Variants in NUP98 observed in about 807,000 individuals in gnomAD.
NUP98 encodes the protein nucleoporin 98 and 96 precursor.
In NUP98, 26 loss-of-function variants were observed where a neutral mutation model predicts 191.9. That is an observed-to-expected ratio of 0.14 (90% CI 0.10 to 0.19). The LOEUF (loss-of-function observed/expected upper bound fraction) is 0.19. NUP98 is among the 10% of genes least tolerant of loss of function. The pLI is 1.00. For missense variants in NUP98, 1,941 were observed against 2,178.8 expected, an observed-to-expected ratio of 0.89 and a Z score of 2.17; for synonymous variants, 808 against 778.4, an observed-to-expected ratio of 1.04 and a Z score of -0.63.
chr11:3,788,045 ACTAGTGTCT>A (rs1219418914), intron 1 of NUP98, among the ~76,000 whole-genome samples: 1 of 152,056 alleles, frequency 6.6e-6, no homozygotes, highest in Non-Finnish European at 1.5e-5. Context: ...GATTACGTAA[ACTAGTGTCT>A]CTCAGCTGCT....
intron 29 of NUP98, 79 bp from the exon 30 acceptor site, chr11:3,683,520 TGGG>T: frequency 3.4e-6 from 5 of 1,491,708 alleles, no homozygotes; most frequent in Non-Finnish European, 2.7e-6. Flanking sequence ...GAGTGGCCCT[TGGG>T]GCAGTCTCTT....
Position 3,779,268 on chromosome 11 carries a change from A to C in NUP98, c.77-11T>G, listed in dbSNP as rs1389514165. ...TGCCAAAGCCAGTATCTGAAAAAGC[A>C]AAATCCAGAGTAAATTAGAATTTAG... is the stretch of plus-strand genomic sequence containing the variant. On this transcript the variant is annotated splice_polypyrimidine_tract_variant and intron_variant, in intron 2 of 32. Coordinates refer to ENST00000324932, the MANE Select transcript of NUP98 (RefSeq NM_016320.5). 1 of 1,585,042 alleles carries C rather than the reference A, an allele frequency of 6.3e-7. No homozygotes were observed. The highest frequency in any genetic ancestry group is 1.7e-5 in the Admixed American group (1 of 59,910).
intron 20 of NUP98, chr11:3,711,855 A>T: frequency 9.7e-7 from 1 of 1,033,452 alleles, no homozygotes; most frequent in Non-Finnish European, 1.2e-6. Flanking sequence ...GAGATTATTT[A>T]ATAAATCATA....
At chr11:3,763,489 A>T (rs1231892633) in intron 8 of NUP98, among the ~76,000 whole-genome samples, 2 of 152,230 alleles carry the variant, frequency 1.3e-5, no homozygotes, top group African/African-American at 4.8e-5. Context: ...TGAACTTAGA[A>T]TCAAGTAACC....
intron 1 of NUP98, among the ~76,000 whole-genome samples, chr11:3,792,772 G>C (rs1375449367): frequency 6.6e-6 from 1 of 152,132 alleles, no homozygotes; most frequent in Non-Finnish European, 1.5e-5. Flanking sequence ...TAATACAACA[G>C]AATACAAAAG....
chr11:3,709,094 A>C (rs192451231), intron 20 of NUP98, among the ~76,000 whole-genome samples: 4 of 152,354 alleles, frequency 2.6e-5, no homozygotes, highest in Admixed American at 2.6e-4. Context: ...AGGAAAAGTA[A>C]GATATATCAA....
At chr11:3,743,610 G>T (rs1554895870) in intron 12 of NUP98, among the ~76,000 whole-genome samples, 1 of 137,130 alleles carries the variant, frequency 7.3e-6, no homozygotes, top group Admixed American at 7.9e-5. Context: ...TCGCACCACT[G>T]TACTCCAGCC....
Position 3,693,256 on chromosome 11 carries a change from G to A in NUP98, c.4287C>T (p.Leu1429=). Residue 1429 remains leucine, a synonymous_variant, in exon 27 of 33, where the codon CTC becomes CTT. Coordinates refer to ENST00000324932, the MANE Select transcript of NUP98 (RefSeq NM_016320.5). The part of the protein sequence containing the change: ...LPPTASISRA[L]SMYEEAFQNT... ...CCTGAAATGCTTCTTCATACATGCT[G>A]AGCGCCCTAGAAATGGAGGCTGTTG... 2 of 1,614,126 alleles carry A rather than the reference G, an allele frequency of 1.2e-6. No homozygotes were observed. The highest frequency in any genetic ancestry group is 1.7e-6 in the Non-Finnish European group (2 of 1,180,000).
rs149128251 is a variant in NUP98 at position 3,748,284 on chromosome 11, G to A, written c.1268-3635C>T. Reference sequence around the variant, plus strand: ...CTGATCACATAAAAATAAAACTTGTGGCTGGGCGCAGTGGCTCATGCCTGT... The same window carrying A: ...CTGATCACATAAAAATAAAACTTGTAGCTGGGCGCAGTGGCTCATGCCTGT... On this transcript the variant is annotated intron_variant, in intron 11 of 32. Transcript: ENST00000324932. Among the ~76,000 whole-genome samples the A allele has an allele frequency of 1.5e-3, 230 of 152,288 alleles. 1 individual carries two copies. Among genetic ancestry groups the A allele is most frequent in the Non-Finnish European group, 2.7e-3 (184 of 68,024 alleles).
intron 10 of NUP98, among the ~76,000 whole-genome samples, chr11:3,754,607 G>C (rs2080891680): frequency 1.3e-5 from 2 of 151,908 alleles, no homozygotes; most frequent in African/African-American, 4.8e-5. Flanking sequence ...TCTTCACTAT[G>C]ACCCACCATT....
Position 3,725,212 on chromosome 11 carries a change from T to C in NUP98, c.1738A>G (p.Ile580Val), listed in dbSNP as rs776631436. The C allele has an allele frequency of 7.0e-5, 103 of 1,466,612 alleles. 1 individual carries two copies. In the Middle Eastern group the frequency reaches 1.7e-3, roughly 25 times the overall value. 90.8% of individuals were successfully genotyped at this position (1,466,612 alleles called of 1,614,324 possible). A position where few individuals can be genotyped will look rare whatever the true frequency, so the allele number is the denominator to read the frequency against. ...AGGTTCTTCAAAACCAACTTCTTAA[T>C]GCTCTTCCTATAAACAAGAAACCAA... ...ANGAFMPKKS[I>V]KKLVLKNLNN... Residue 580 changes from isoleucine to valine, a missense_variant, in exon 15 of 33, where the codon ATT becomes GTT. Ile to Val is a conservative substitution (Grantham distance 29). Coordinates refer to ENST00000324932, the MANE Select transcript of NUP98 (RefSeq NM_016320.5).
rs755639387 is a variant in NUP98, at chr11:3,753,386, C to T, written c.1197G>A (p.Gly399=). 17 of 1,613,558 alleles carry T rather than the reference C, an allele frequency of 1.1e-5. No homozygotes were observed. The highest frequency in any genetic ancestry group is 1.4e-5 in the Non-Finnish European group (17 of 1,179,722). The change falls in exon 11 of 33, where the codon GGG becomes GGA. Residue 399 remains glycine, a synonymous_variant. Transcript: ENST00000324932. ...CTGGTTTACTTCCAAAAATACTATT[C>T]CCACTGGTATTTGTGCCAAAACCTA... The part of the protein sequence containing the change: ...GLFGFGTNTS[G]NSIFGSKPAP...
At chr11:3,700,050 A>C (rs2078627280) in intron 24 of NUP98, among the ~76,000 whole-genome samples, 1 of 152,142 alleles carries the variant, frequency 6.6e-6, no homozygotes, top group African/African-American at 2.4e-5. Flanking sequence ...GGAAGAATGG[A>C]TAGGATTTAG....
Position 3,767,880 on chromosome 11 carries a change from T to C in NUP98, c.948+701A>G, listed in dbSNP as rs180796924. ...CAAGGGAACTAGGTGAACGTTCCCTTAGTTCCTGTTGTTGGCTATATTCTG... is the reference window on the plus strand; with the variant it reads ...CAAGGGAACTAGGTGAACGTTCCCTCAGTTCCTGTTGTTGGCTATATTCTG... On this transcript the variant is annotated intron_variant, in intron 8 of 32. Transcript: ENST00000324932. Among the ~76,000 whole-genome samples the C allele has an allele frequency of 1.8e-4, 27 of 152,140 alleles. No homozygotes were observed. In the East Asian group the frequency reaches 5.2e-3, roughly 29 times the overall value.
Position 3,694,164 on chromosome 11 carries a change from G to T in NUP98, c.4168-789C>A, listed in dbSNP as rs149192237. 2.8e-3 allele frequency among the ~76,000 whole-genome samples: 427 copies of T among 151,942 alleles called. 2 individuals are homozygous for T. The highest frequency in any genetic ancestry group is 4.8e-3 in the Non-Finnish European group (324 of 67,972). On this transcript the variant is annotated intron_variant, in intron 26 of 32. Coordinates refer to ENST00000324932, the MANE Select transcript of NUP98 (RefSeq NM_016320.5). ...AGGTGGGTGGATCACCTGAGGTCGG[G>T]AGTTTGGGACTGGCCTGGCCAACAT...
intron 1 of NUP98, among the ~76,000 whole-genome samples, chr11:3,782,499 T>C (rs1021210111): frequency 2.0e-5 from 3 of 151,472 alleles, no homozygotes; most frequent in Admixed American, 6.6e-5. Flanking sequence ...ATGATCCTCA[T>C]AGGAGGTTAT....
At chr11:3,713,607 T>A (rs2079085037) in intron 19 of NUP98, among the ~76,000 whole-genome samples, 1 of 152,090 alleles carries the variant, frequency 6.6e-6, no homozygotes, top group Non-Finnish European at 1.5e-5. Context: ...TAATCCCAGC[T>A]ACTTGGGAGG....
chr11:3,741,717 G>C (rs1204861677), intron 12 of NUP98, among the ~76,000 whole-genome samples: 2 of 152,088 alleles, frequency 1.3e-5, no homozygotes, highest in Non-Finnish European at 1.5e-5. Context: ...AGATAGAAAG[G>C]ATCTAAGCAA....
chr11:3,775,251 C>T (rs547384699), intron 5 of NUP98, among the ~76,000 whole-genome samples: 4 of 152,166 alleles, frequency 2.6e-5, no homozygotes, highest in South Asian at 4.1e-4. Context: ...TTGACCAGGC[C>T]GGGCATGGTG....
Sources: gnomAD v4.1 joint callset for allele counts (sites outside exome capture counted in the v4.1 genomes callset) on GRCh38, gnomAD v4.1.1 for gene constraint, MANE v1.5 for transcripts, NCBI Gene and HGNC (gene_info 2026-07-23, HGNC 2026-07-21) for gene names.